The following LRRTM4 variants were observed in gnomAD, a reference collection of about 807,000 sequenced individuals.
The protein encoded by LRRTM4 is leucine-rich repeat transmembrane neuronal protein 4.
In LRRTM4, 25 loss-of-function variants were observed where a neutral mutation model predicts 47.6. The observed-to-expected ratio is 0.53, with a 90% CI of 0.38 to 0.73. The LOEUF (loss-of-function observed/expected upper bound fraction) is 0.73, where lower values mean the gene tolerates loss of function less well. LRRTM4 is among the 30% of genes least tolerant of loss of function. LRRTM4 has a pLI of 0.00. For missense variants in LRRTM4, 638 were observed against 713.4 expected (o/e 0.89, Z 1.20); for synonymous variants, 311 against 269.5 (o/e 1.15, Z -1.51).
intron 3 of LRRTM4, among the ~76,000 whole-genome samples, chr2:77,305,739 G>A (rs1027027781): frequency 2.6e-5 from 4 of 152,046 alleles, no homozygotes; most frequent in African/African-American, 4.8e-5. Context: ...AGTAAAAAAG[G>A]TGGATGTTAT....
chr2:77,276,079 A>G (rs1676341247), intron 3 of LRRTM4, among the ~76,000 whole-genome samples: 1 of 152,018 alleles, frequency 6.6e-6, no homozygotes, highest in Admixed American at 6.6e-5. Context: ...CTAACAAACA[A>G]AGAAAAAATG....
chr2:77,225,899 G>C (rs1231646095), intron 3 of LRRTM4, among the ~76,000 whole-genome samples: 1 of 151,790 alleles, frequency 6.6e-6, no homozygotes, highest in African/African-American at 2.4e-5. Flanking sequence ...CTACAAAGAT[G>C]ACATCAACTG....
At chr2:77,281,621 C>A (rs1273571592) in intron 3 of LRRTM4, among the ~76,000 whole-genome samples, 1 of 151,684 alleles carries the variant, frequency 6.6e-6, no homozygotes, top group African/African-American at 2.4e-5. Flanking sequence ...AGGCAATTTG[C>A]AGCTGTTCTC....
At chr2:76,829,472 T>G (rs781313677) in intron 3 of LRRTM4, among the ~76,000 whole-genome samples, 2 of 152,106 alleles carry the variant, frequency 1.3e-5, no homozygotes, top group South Asian at 2.1e-4. Context: ...TGCTTACTTA[T>G]GACCCCAGAG....
At chr2:76,779,376 T>TA (rs1674218646) in intron 3 of LRRTM4, among the ~76,000 whole-genome samples, 3 of 150,934 alleles carry the variant, frequency 2.0e-5, no homozygotes, top group African/African-American at 7.3e-5. Context: ...AAGTCTCCCA[T>TA]TATTAATGTA....
intron 3 of LRRTM4, among the ~76,000 whole-genome samples, chr2:76,954,137 A>C (rs10191738): frequency 2.1e-3 from 321 of 152,004 alleles, no homozygotes; most frequent in African/African-American, 7.3e-3. Context: ...AGGTTTTTTC[A>C]AAGTGTATGG....
intron 3 of LRRTM4, among the ~76,000 whole-genome samples, chr2:77,383,545 T>C (rs901738679): frequency 2.6e-5 from 4 of 152,234 alleles, no homozygotes; most frequent in African/African-American, 9.6e-5. Context: ...GTAATAAGTT[T>C]GCAGTTAATA....
chr2:77,012,490 T>C (rs1288092426), intron 3 of LRRTM4, among the ~76,000 whole-genome samples: 1 of 152,138 alleles, frequency 6.6e-6, no homozygotes, highest in African/African-American at 2.4e-5. Context: ...ATAAAATCAT[T>C]TAACTGCAGA....
intron 3 of LRRTM4, among the ~76,000 whole-genome samples, chr2:76,768,179 A>T (rs144091173): frequency 1.1e-3 from 168 of 152,282 alleles, no homozygotes; most frequent in African/African-American, 3.6e-3. Context: ...GAAAATATAA[A>T]ATGTTGCTAT....
intron 3 of LRRTM4, among the ~76,000 whole-genome samples, chr2:76,798,080 C>G (rs907307034): frequency 2.0e-5 from 3 of 151,150 alleles, no homozygotes; most frequent in African/African-American, 7.4e-5. Context: ...GAATTGAACT[C>G]AGCTCTGCAG....
At chr2:77,032,633 C>CA (rs1441618170) in intron 3 of LRRTM4, among the ~76,000 whole-genome samples, 1 of 152,022 alleles carries the variant, frequency 6.6e-6, no homozygotes, top group African/African-American at 2.4e-5. Flanking sequence ...AAAAGCTGTT[C>CA]AGTTTTTGCA....
intron 3 of LRRTM4, among the ~76,000 whole-genome samples, chr2:77,077,106 G>A (rs988426177): frequency 6.6e-6 from 1 of 152,126 alleles, no homozygotes; most frequent in African/African-American, 2.4e-5. Context: ...GTATTAGAAT[G>A]TACATAGAGT....
chr2:77,056,641 GAATA>G (rs1215189123), intron 3 of LRRTM4, among the ~76,000 whole-genome samples: 3 of 152,120 alleles, frequency 2.0e-5, no homozygotes, highest in East Asian at 1.9e-4. Context: ...CTCATTCCCT[GAATA>G]AATATTGAAG....
intron 3 of LRRTM4, among the ~76,000 whole-genome samples, chr2:77,112,779 C>A (rs1671284686): frequency 6.6e-6 from 1 of 152,092 alleles, no homozygotes; most frequent in Non-Finnish European, 1.5e-5. Context: ...GGCCCATGCC[C>A]ACAGAACGGC....
intron 3 of LRRTM4, among the ~76,000 whole-genome samples, chr2:76,896,390 A>G (rs1673418591): frequency 6.6e-6 from 1 of 152,126 alleles, no homozygotes; most frequent in Non-Finnish European, 1.5e-5. Flanking sequence ...GACAGTTTTC[A>G]TCAGATATAG....
intron 3 of LRRTM4, among the ~76,000 whole-genome samples, chr2:77,105,058 GAA>G (rs113329344): frequency 1.0e-4 from 15 of 148,380 alleles, no homozygotes; most frequent in Non-Finnish European, 1.3e-4. Context: ...GAAAATAAAA[GAA>G]AAAAAAAATC....
chr2:76,771,641 G>GAAAA (rs748214529), intron 3 of LRRTM4, among the ~76,000 whole-genome samples: 3 of 69,656 alleles, frequency 4.3e-5, no homozygotes, highest in Non-Finnish European at 5.6e-5. Flanking sequence ...CAGGTGAACA[G>GAAAA]AAAAAAAAAA....
intron 3 of LRRTM4, among the ~76,000 whole-genome samples, chr2:76,810,622 T>C (rs1670704881): frequency 6.6e-6 from 1 of 152,194 alleles, no homozygotes. Flanking sequence ...CAAGAAGTCT[T>C]AAAATCTATA....
intron 3 of LRRTM4, among the ~76,000 whole-genome samples, chr2:77,011,564 TG>T (rs1677877254): frequency 6.6e-6 from 1 of 150,922 alleles, no homozygotes; most frequent in Non-Finnish European, 1.5e-5. Flanking sequence ...TGTGTGTGTG[TG>T]TGTGTGTGTG....
Sources: gnomAD v4.1 joint callset for allele counts (sites outside exome capture counted in the v4.1 genomes callset) on GRCh38, gnomAD v4.1.1 for gene constraint, MANE v1.5 for transcripts, NCBI Gene and HGNC (gene_info 2026-07-23, HGNC 2026-07-21) for gene names.